Variants in CRPPA observed in about 807,000 individuals in gnomAD.
CRPPA encodes the protein CDP-L-ribitol pyrophosphorylase A.
A neutral mutation model predicts 52.0 loss-of-function variants in CRPPA; 43 were observed. The ratio of observed to expected loss-of-function variants is 0.83; its 90% CI spans 0.65 to 1.07. CRPPA has a LOEUF of 1.07. CRPPA is among the 50% of genes least tolerant of loss of function. The pLI is 0.00. For synonymous variants in CRPPA, 250 were observed against 203.5 expected (o/e 1.23, Z -1.94); for missense variants, 629 against 551.7 (o/e 1.14, Z -1.40).
At chr7:16,091,889 C>T (rs1056701515) in intron 9 of CRPPA, 90 bp from the exon 10 acceptor site, 48 of 700,960 alleles carry the variant, frequency 6.8e-5, no homozygotes, top group East Asian at 4.5e-4. Flanking sequence ...AGATCTGCTG[C>T]GGTCTGGATT....
chr7:16,145,296 A>G (rs1044752399), intron 9 of CRPPA, among the ~76,000 whole-genome samples: 29 of 152,328 alleles, frequency 1.9e-4, no homozygotes, highest in Middle Eastern at 3.4e-3. Context: ...GCACAACCAT[A>G]GGACCCCACT....
At chr7:16,216,746 G>T (rs563826574) in intron 8 of CRPPA, among the ~76,000 whole-genome samples, 2 of 152,304 alleles carry the variant, frequency 1.3e-5, no homozygotes, top group East Asian at 3.9e-4. Context: ...CTTAAAAAAC[G>T]GCGCACCACG....
At chr7:16,420,988 A>G in intron 1 of CRPPA, 78 bp downstream of exon 1, 1 of 1,191,726 alleles carries the variant, frequency 8.4e-7, no homozygotes, top group Non-Finnish European at 1.1e-6. Context: ...TGAAGGTGCT[A>G]GCGCTAGAGC....
intron 2 of CRPPA, among the ~76,000 whole-genome samples, chr7:16,391,997 C>T (rs1318712363): frequency 1.3e-5 from 2 of 152,088 alleles, no homozygotes; most frequent in East Asian, 1.9e-4. Flanking sequence ...TAACTTGCTT[C>T]GATAGAAGCA....
chr7:16,099,405 GAGGGA>G (rs1238083507), intron 9 of CRPPA, among the ~76,000 whole-genome samples: 1 of 131,278 alleles, frequency 7.6e-6, no homozygotes, highest in Non-Finnish European at 1.6e-5. Context: ...GAAGGAAGGG[GAGGGA>G]AGGGGAGGGG....
At chr7:16,330,024 G>A (rs532849332) in intron 3 of CRPPA, among the ~76,000 whole-genome samples, 2 of 152,248 alleles carry the variant, frequency 1.3e-5, no homozygotes, top group South Asian at 2.1e-4. Context: ...ACGGTATATC[G>A]CTTCCTTCTA....
intron 3 of CRPPA, among the ~76,000 whole-genome samples, chr7:16,322,127 C>T (rs887897554): frequency 2.0e-5 from 3 of 151,880 alleles, no homozygotes; most frequent in Non-Finnish European, 4.4e-5. Flanking sequence ...TTACAATAGC[C>T]CTAGGAAACT....
intron 9 of CRPPA, among the ~76,000 whole-genome samples, chr7:16,200,446 T>G (rs780351969): frequency 6.6e-5 from 10 of 152,162 alleles, no homozygotes; most frequent in Non-Finnish European, 1.3e-4. Flanking sequence ...ACAATGATCA[T>G]GTGGGAGTAC....
intron 2 of CRPPA, among the ~76,000 whole-genome samples, chr7:16,397,204 A>G (rs767007997): frequency 1.2e-4 from 19 of 152,256 alleles, no homozygotes; most frequent in Non-Finnish European, 2.4e-4. Flanking sequence ...TGGACGTGTG[A>G]CACGACTGAC....
rs534997610 is a variant in CRPPA, at chr7:16,289,260, G to C, written c.836-11034C>G. 1.8e-4 allele frequency among the ~76,000 whole-genome samples: 28 copies of C among 152,130 alleles called. No homozygotes were observed. In the South Asian group the frequency reaches 4.8e-3, roughly 26 times the overall value. ...CCCAGGACCAGATAGATTCACTGTC[G>C]AGCTCTACCAAACATATCAAGAAGA... On this transcript the variant is annotated intron_variant, in intron 5 of 9. Transcript: ENST00000407010.
At chr7:16,395,767 T>A (rs894667473) in intron 2 of CRPPA, among the ~76,000 whole-genome samples, 1 of 152,256 alleles carries the variant, frequency 6.6e-6, no homozygotes, top group African/African-American at 2.4e-5. Context: ...GGGAATATAC[T>A]AGGATGTTAA....
At chr7:16,303,477 T>TAAAAAAAAAAAAAAAAAACAAAAAAAAAA (rs1784832829) in intron 4 of CRPPA, among the ~76,000 whole-genome samples, 1 of 44,970 alleles carries the variant, frequency 2.2e-5, no homozygotes, top group African/African-American at 8.3e-5. Flanking sequence ...CATAAAATAG[T>TAAAAAAAAAAAAAAAAAACAAAAAAAAAA]AAAAAAAAAA....
At chr7:16,229,849 T>C (rs190705829) in intron 8 of CRPPA, among the ~76,000 whole-genome samples, 1 of 152,272 alleles carries the variant, frequency 6.6e-6, no homozygotes, top group East Asian at 1.9e-4. Context: ...TCAGCTTTTG[T>C]TTGTCCAGGA....
intron 9 of CRPPA, among the ~76,000 whole-genome samples, chr7:16,138,834 T>C (rs2128375031): frequency 6.6e-6 from 1 of 152,258 alleles, no homozygotes; most frequent in South Asian, 2.1e-4. Flanking sequence ...GGAGTTTCAC[T>C]CCTGTCGCCC....
intron 8 of CRPPA, among the ~76,000 whole-genome samples, chr7:16,254,830 AAAGAAAGAAAGAAAGAGAAAG>A (rs1378103744): frequency 2.0e-5 from 3 of 148,576 alleles, no homozygotes; most frequent in African/African-American, 7.4e-5. Context: ...AGAAAGAAAG[AAAGAAAGAAAGAAAGAGAAAG>A]AAGAAAGAAA....
At position 16,109,701 on chromosome 7, in the gene CRPPA, G is replaced by GA. The variant is rs574688299; in HGVS notation, c.1252-17903dup. Among the ~76,000 whole-genome samples the GA allele has an allele frequency of 6.7e-4, 102 of 151,874 alleles. 2 individuals are homozygous for GA. In the South Asian group the frequency reaches 0.019, roughly 28 times the overall value. On this transcript the variant is annotated intron_variant, in intron 9 of 9. Transcript: ENST00000407010. ...TGTACCTCATATTAACAGAATGAAGGAAAAAACCATATAATCTCATCCAGA... is the reference window on the plus strand; with the variant it reads ...TGTACCTCATATTAACAGAATGAAGGAAAAAAACCATATAATCTCATCCAGA...
At chr7:16,203,927 T>G (rs1352183933) in intron 9 of CRPPA, among the ~76,000 whole-genome samples, 3 of 152,086 alleles carry the variant, frequency 2.0e-5, no homozygotes, top group Admixed American at 2.0e-4. Context: ...TAGCAACAAA[T>G]CTACATAAAG....
Position 16,091,567 on chromosome 7 carries a change from A to G in CRPPA, c.*128T>C, listed in dbSNP as rs1210503268. 8 of 604,304 alleles carry G rather than the reference A, an allele frequency of 1.3e-5. No individual in the cohort carries two copies. In the Admixed American group the frequency reaches 2.9e-4, roughly 22 times the overall value. 37.4% of individuals were successfully genotyped at this position (604,304 alleles called of 1,614,324 possible). A position where few individuals can be genotyped will look rare whatever the true frequency, so the allele number is the denominator to read the frequency against. ...ATCTGCTTTATAATCTAAGCATCAC[A>G]TCCTACAAATTATAGAGAAGATATA... On this transcript the variant is annotated 3_prime_UTR_variant, in exon 10 of 10. Transcript: ENST00000407010.
At chr7:16,241,437 G>GAAA (rs1296512812) in intron 8 of CRPPA, among the ~76,000 whole-genome samples, 1 of 151,912 alleles carries the variant, frequency 6.6e-6, no homozygotes, top group Non-Finnish European at 1.5e-5. Flanking sequence ...TACAAGCAGA[G>GAAA]AAAAGCAAAG....
Sources: gnomAD v4.1 joint callset for allele counts (sites outside exome capture counted in the v4.1 genomes callset) on GRCh38, gnomAD v4.1.1 for gene constraint, MANE v1.5 for transcripts, NCBI Gene and HGNC (gene_info 2026-07-23, HGNC 2026-07-21) for gene names.